SP140: variants seen among roughly 807,000 people sequenced by gnomAD.
The protein encoded by SP140 is SP140 nuclear body protein.
A neutral mutation model predicts 125.0 loss-of-function variants in SP140; 81 were observed. The observed-to-expected ratio is 0.65, with a 90% CI of 0.54 to 0.78. SP140 has a LOEUF of 0.78. Ranked by LOEUF, SP140 falls within the 30% of genes least tolerant of loss-of-function variation. The pLI, the probability that SP140 is intolerant of heterozygous loss-of-function variation, is 0.00. For synonymous variants in SP140, 312 were observed against 354.0 expected (o/e 0.88, Z 1.33); for missense variants, 858 against 1,037.0 (o/e 0.83, Z 2.37).
chr2:230,191,035 A>G, the SP140 span, among the ~76,000 whole-genome samples: 1 of 152,136 alleles, frequency 6.6e-6, no homozygotes, highest in African/African-American at 2.4e-5. Flanking sequence ...TCCTAGCTAT[A>G]TGGGATCTTC....
At chr2:230,246,066 C>T in intron 7 of SP140, 126 bp downstream of exon 7, 1 of 636,030 alleles carries the variant, frequency 1.6e-6, no homozygotes, top group Non-Finnish European at 2.9e-6. Flanking sequence ...TCCATCCATT[C>T]ATCCATCCAT....
At position 230,237,232 on chromosome 2, in the gene SP140, G is replaced by A. The variant is rs778848255; in HGVS notation, c.209G>A (p.Arg70His). 9.3e-6 allele frequency: 15 copies of A among 1,611,736 alleles called. No individual in the cohort carries two copies. The highest frequency in any genetic ancestry group is 4.5e-5 in the East Asian group (2 of 44,832). Residue 70 changes from arginine (R) to histidine (H), a missense_variant, in exon 2 of 27, where the codon CGC (arginine) becomes CAC (histidine). By Grantham distance (29) the Arg-to-His change is conservative. This residue lies in a region of SP140 where 791 missense variants were observed against 869.5 expected (regional missense o/e 0.91). Transcript: ENST00000392045. The surrounding 1 kb of genome is among the most constrained non-coding windows in gnomAD (Gnocchi z 5.4). ...PFPFLMGLRD[R>H]SFISEQMYEH... is the part of the protein sequence containing the mutation. ...CCTTTCCTTATGGGCCTCCGAGACC[G>A]CTCCTTCATCTCCGAGCAGATGTAT...
chr2:230,222,980 C>T (rs1018744924), upstream of SP140, among the ~76,000 whole-genome samples: 44 of 151,028 alleles, frequency 2.9e-4, no homozygotes. Context: ...AGCAGGTATG[C>T]TAGCCACCAA....
At chr2:230,238,771 A>T in intron 3 of SP140, 1 of 1,551,238 alleles carries the variant, frequency 6.4e-7, no homozygotes, top group East Asian at 2.4e-5. Flanking sequence ...AAAATTTATC[A>T]TCCAGTGCAG....
At chr2:230,196,974 G>C in the SP140 span, among the ~76,000 whole-genome samples, 50 of 152,206 alleles carry the variant, frequency 3.3e-4, no homozygotes, top group Admixed American at 3.2e-3. Context: ...CCAAGTCTTT[G>C]CTATTGTGAA....
intron 3 of SP140, chr2:230,216,754 G>T (rs955690323): frequency 1.2e-5 from 20 of 1,612,818 alleles, no homozygotes; most frequent in Non-Finnish European, 1.5e-5. Context: ...GGGCTGGGCT[G>T]CCATGGAAGG....
intron 12 of SP140, among the ~76,000 whole-genome samples, chr2:230,257,515 C>G (rs1486737331): frequency 6.6e-6 from 1 of 152,094 alleles, no homozygotes; most frequent in Non-Finnish European, 1.5e-5. Flanking sequence ...CCCTGTAATC[C>G]CAGCAATTTG....
rs2050683380 is a variant in SP140 at position 230,253,424 on chromosome 2, A to G, written c.1159+7A>G. 6.3e-7 allele frequency: 1 copy of G among 1,578,604 alleles called. No homozygotes were observed. Among genetic ancestry groups the G allele is most frequent in the Admixed American group, 1.7e-5 (1 of 59,918 alleles). ...CTACCAGGTGAAGGAGAAGGTAATT[A>G]TGATGTACATTTTTAGGTATTTGAG... On this transcript the variant is annotated splice_region_variant and intron_variant, in intron 11 of 26. Coordinates refer to ENST00000392045, the MANE Select transcript of SP140 (RefSeq NM_007237.5).
upstream of SP140, chr2:230,200,672 A>G (rs949694358): frequency 3.3e-6 from 2 of 598,040 alleles, no homozygotes; most frequent in Non-Finnish European, 5.9e-6. Flanking sequence ...AGATATACAT[A>G]CATACATATG....
intron 5 of SP140, among the ~76,000 whole-genome samples, chr2:230,244,410 T>G (rs570061021): frequency 6.6e-6 from 1 of 152,292 alleles, no homozygotes; most frequent in African/African-American, 2.4e-5. Context: ...GCTGACTCAC[T>G]GCGGTGATGG....
intron 15 of SP140, among the ~76,000 whole-genome samples, chr2:230,275,968 G>A (rs2081713): frequency 0.089 from 13,591 of 152,200 alleles, 818 homozygotes; most frequent in Middle Eastern, 0.12. Context: ...GCTGAAAGAT[G>A]TGAGAAGCTG....
Position 230,212,541 on chromosome 2 carries a change from G to T in SP140, c.-322-1113G>T. The T allele has an allele frequency of 3.7e-6, 4 of 1,078,292 alleles. No individual in the cohort carries two copies. In the South Asian group the frequency reaches 3.8e-5, roughly 10 times the overall value. The allele number at this position is 1,078,292 out of a possible 1,614,324, so 66.8% of individuals were successfully genotyped here. On this transcript the variant is annotated intron_variant, in intron 1 of 4. Transcript: ENST00000456542. ...GAGCATCAAGGCACAAGGGCAGAGG[G>T]TTGGAATGTCCCGGGAGTGGGAAGC...
chr2:230,266,136 T>C (rs1190146689), intron 12 of SP140, among the ~76,000 whole-genome samples: 1 of 152,212 alleles, frequency 6.6e-6, no homozygotes, highest in Non-Finnish European at 1.5e-5. Context: ...CTAGAAATCC[T>C]CTTATCTTTC....
chr2:230,314,649 T>G (rs1416091073), downstream of SP140, among the ~76,000 whole-genome samples: 1 of 152,188 alleles, frequency 6.6e-6, no homozygotes, highest in Non-Finnish European at 1.5e-5. Context: ...TCTGGAAAAG[T>G]GGGTCCCAAG....
chr2:230,243,304 C>A (rs188261690), intron 4 of SP140, among the ~76,000 whole-genome samples: 1 of 152,052 alleles, frequency 6.6e-6, no homozygotes, highest in Non-Finnish European at 1.5e-5. Flanking sequence ...TTAGAGAAAG[C>A]TAGAAAGGCA....
At chr2:230,307,990 T>TATATATATATATATATATACAC (rs869070046) in intron 22 of SP140, among the ~76,000 whole-genome samples, 1 of 52,638 alleles carries the variant, frequency 1.9e-5, no homozygotes, top group African/African-American at 7.6e-5. Flanking sequence ...TATATATATA[T>TATATATATATATATATATACAC]ACACACACAC....
intron 1 of SP140, among the ~76,000 whole-genome samples, chr2:230,227,451 A>T (rs62193107): frequency 0.094 from 14,296 of 152,264 alleles, 887 homozygotes; most frequent in Non-Finnish European, 0.12. Flanking sequence ...TCAAAGAATG[A>T]GTTAGGAAGT....
rs1005473444 is a variant in SP140 at position 230,297,519 on chromosome 2, T to C, written c.2058+57T>C. ...AATATTCCACTCCTTTCTCCAGGCA[T>C]ATGTTCTGTGTCATGACTGCTGTTG... On this transcript the variant is annotated intron_variant, in intron 22 of 26. Coordinates refer to ENST00000392045, the MANE Select transcript of SP140 (RefSeq NM_007237.5). 1.9e-6 allele frequency: 3 copies of C among 1,587,816 alleles called. No individual in the cohort carries two copies. In the Admixed American group the frequency reaches 5.0e-5, roughly 27 times the overall value.
At position 230,241,529 on chromosome 2, in the gene SP140, G is replaced by T. The variant is rs2288328; in HGVS notation, c.490+42G>T. ...TGATCAATGCCCTTATTAAAGTTTT[G>T]CTTCCTTGCCTTCATGGAGGCAAAT... On this transcript the variant is annotated intron_variant, in intron 4 of 26. Transcript: ENST00000392045. 4 of 1,234,634 alleles carry T rather than the reference G, an allele frequency of 3.2e-6. No homozygotes were observed. The South Asian group carries it at 4.8e-5, about 15-fold the overall frequency. The allele number at this position is 1,234,634 out of a possible 1,614,324, so 76.5% of individuals were successfully genotyped here. A position where few individuals can be genotyped will look rare whatever the true frequency, so the allele number is the denominator to read the frequency against.
Sources: gnomAD v4.1 joint callset for allele counts (sites outside exome capture counted in the v4.1 genomes callset) on GRCh38, gnomAD v4.1.1 for gene constraint, gnomAD v4.1.1 regional missense constraint, Gnocchi (gnomAD v3.1) non-coding constraint, MANE v1.5 for transcripts, NCBI Gene and HGNC (gene_info 2026-07-23, HGNC 2026-07-21) for gene names.